Variants in CDK17 observed in about 807,000 individuals in gnomAD.
CDK17 encodes cyclin dependent kinase 17.
Under a neutral mutation model 77.6 loss-of-function variants are expected in CDK17, and 24 were observed. That is an observed-to-expected ratio of 0.31 (90% confidence interval 0.22 to 0.44). CDK17 has a LOEUF of 0.44. Among genes scored for constraint, CDK17 ranks in the 20% least tolerant of loss-of-function variants. The pLI is 1.00. For synonymous variants in CDK17, 203 were observed against 210.4 expected (o/e 0.96, Z 0.30); for missense variants, 429 against 622.5 (o/e 0.69, Z 3.31).
intron 1 of CDK17, among the ~76,000 whole-genome samples, chr12:96,346,480 T>C (rs995536247): frequency 6.9e-6 from 1 of 145,066 alleles, no homozygotes; most frequent in Non-Finnish European, 1.5e-5. Flanking sequence ...TAAATAAAAT[T>C]AGCCAGGCGT....
chr12:96,282,711 TATG>T (rs1952193005), intron 14 of CDK17, 112 bp from the exon 15 acceptor site: 3 of 651,100 alleles, frequency 4.6e-6, no homozygotes, highest in Admixed American at 2.7e-5. Context: ...GATTATTTAA[TATG>T]ATGACTATTT....
At chr12:96,383,207 A>T (rs974586560) in intron 1 of CDK17, among the ~76,000 whole-genome samples, 3 of 152,190 alleles carry the variant, frequency 2.0e-5, no homozygotes, top group Non-Finnish European at 4.4e-5. Context: ...CTAACCAAGA[A>T]GGTGAAAGAT....
intron 1 of CDK17, among the ~76,000 whole-genome samples, chr12:96,389,982 A>C (rs1283976888): frequency 1.3e-5 from 2 of 151,492 alleles, no homozygotes; most frequent in Non-Finnish European, 2.9e-5. Flanking sequence ...GGCATGCACC[A>C]CCACACCCAG....
At chr12:96,312,128 A>C (rs1952652565) in intron 4 of CDK17, among the ~76,000 whole-genome samples, 1 of 152,026 alleles carries the variant, frequency 6.6e-6, no homozygotes, top group Non-Finnish European at 1.5e-5. Context: ...AATACAAAAA[A>C]ATTAGCCGGG....
intron 1 of CDK17, among the ~76,000 whole-genome samples, chr12:96,363,783 G>A (rs760566855): frequency 6.6e-6 from 1 of 152,182 alleles, no homozygotes; most frequent in Non-Finnish European, 1.5e-5. Context: ...CTGGGAGGTG[G>A]AGGTTGCTGC....
chr12:96,369,716 T>G (rs973150686), intron 1 of CDK17, among the ~76,000 whole-genome samples: 1 of 152,076 alleles, frequency 6.6e-6, no homozygotes, highest in Non-Finnish European at 1.5e-5. Context: ...GAGGTGGAGG[T>G]TGCAGTGAGC....
chr12:96,313,893 G>T (rs1414031396), intron 3 of CDK17, among the ~76,000 whole-genome samples: 1 of 152,090 alleles, frequency 6.6e-6, no homozygotes, highest in East Asian at 1.9e-4. Context: ...ATGTGTCACT[G>T]GGTCTATGGT....
intron 9 of CDK17, among the ~76,000 whole-genome samples, chr12:96,296,061 TTAAAACTC>T (rs1208197978): frequency 2.0e-5 from 3 of 152,214 alleles, no homozygotes; most frequent in Non-Finnish European, 4.4e-5. Context: ...AATTATGTTT[TTAAAACTC>T]TAAAATTACT....
intron 1 of CDK17, among the ~76,000 whole-genome samples, chr12:96,394,671 T>C (rs186369527): frequency 2.2e-4 from 34 of 151,660 alleles, no homozygotes; most frequent in African/African-American, 7.7e-4. Flanking sequence ...AAAATTTAGT[T>C]GGACGTGGAA....
intron 15 of CDK17, among the ~76,000 whole-genome samples, chr12:96,281,143 GAAT>G (rs1480178100): frequency 9.2e-5 from 14 of 152,122 alleles, no homozygotes; most frequent in Non-Finnish European, 1.2e-4. Flanking sequence ...TCTCTGAGGA[GAAT>G]ATACACTGTC....
Position 96,313,364 on chromosome 12 carries a change from C to A in CDK17, c.374G>T (p.Gly125Val). 6.3e-7 allele frequency: 1 copy of A among 1,599,516 alleles called. No homozygotes were observed. The highest frequency in any genetic ancestry group is 1.1e-5 in the South Asian group (1 of 88,102). Reference sequence around the variant, plus strand: ...ATGTATACGATTTCTGAGACAAACACCTGTAGGTGACTGGACTTCATCAGA... The same window carrying A: ...ATGTATACGATTTCTGAGACAAACAACTGTAGGTGACTGGACTTCATCAGA... Reference protein sequence around the residue: ...TSSDEVQSPTGVCLRNRIHRR... With the variant: ...TSSDEVQSPTVVCLRNRIHRR... The change falls in exon 4 of 17, where the codon GGT becomes GTT. Residue 125 changes from glycine (G) to valine (V), a missense_variant. By Grantham distance (109) the Gly-to-Val change is moderately radical. Around this residue, in one of 4 missense-constraint regions of CDK17, gnomAD observed 262 missense variants for 385.4 expected, o/e 0.68. Transcript: ENST00000261211.
Position 96,383,350 on chromosome 12 carries a change from G to A in CDK17, c.-30+16636C>T, listed in dbSNP as rs747739695. ...ATCCATAGTGCCAAAAGCAATATACGGATTCAATGCTATTCCTATCAAACT... is the reference window on the plus strand; with the variant it reads ...ATCCATAGTGCCAAAAGCAATATACAGATTCAATGCTATTCCTATCAAACT... On this transcript the variant is annotated intron_variant, in intron 1 of 16. Transcript: ENST00000261211. Among the ~76,000 whole-genome samples the A allele has an allele frequency of 4.0e-5, 6 of 148,926 alleles. 1 individual carries two copies. The highest frequency in any genetic ancestry group is 4.3e-4 in the South Asian group (2 of 4,616).
At chr12:96,348,719 A>C (rs1446357406) in intron 1 of CDK17, among the ~76,000 whole-genome samples, 3 of 152,158 alleles carry the variant, frequency 2.0e-5, no homozygotes, top group Admixed American at 2.0e-4. Context: ...TGGATAGCTT[A>C]ATGAAATAGA....
chr12:96,386,969 T>G, intron 1 of CDK17: 2 of 269,576 alleles, frequency 7.4e-6, no homozygotes, highest in South Asian at 1.0e-4. Context: ...CCACAAGTAG[T>G]GTATCCAGAG....
Position 96,348,537 on chromosome 12 carries a change from A to AAC in CDK17, c.-29-13673_-29-13672insGT, listed in dbSNP as rs1555204416. Among the ~76,000 whole-genome samples the AAC allele has an allele frequency of 1.9e-4, 29 of 151,236 alleles. No homozygotes were observed. In the East Asian group the frequency reaches 5.1e-3, roughly 26 times the overall value. On this transcript the variant is annotated intron_variant, in intron 1 of 16. Transcript: ENST00000261211. ...AGACTCTGTCTCAAAAAAAAAAAAA[A>AAC]AAAAACAAAAAAGAAAAAAAAAATC... is the stretch of plus-strand genomic sequence containing the variant.
At chr12:96,397,826 A>G (rs1410697512) in intron 1 of CDK17, among the ~76,000 whole-genome samples, 2 of 152,290 alleles carry the variant, frequency 1.3e-5, no homozygotes, top group African/African-American at 4.8e-5. Flanking sequence ...TAATTATATG[A>G]CCTGTTAATT....
At chr12:96,304,778 G>A (rs1449164620) in intron 5 of CDK17, among the ~76,000 whole-genome samples, 2 of 152,062 alleles carry the variant, frequency 1.3e-5, no homozygotes, top group African/African-American at 4.8e-5. Flanking sequence ...ATATGCTAAA[G>A]GTAAATTCTG....
chr12:96,394,884 T>TG (rs1216294826), intron 1 of CDK17, among the ~76,000 whole-genome samples: 1 of 150,094 alleles, frequency 6.7e-6, no homozygotes, highest in Non-Finnish European at 1.5e-5. Flanking sequence ...AATCTATAAT[T>TG]TTTTTCCCCC....
intron 15 of CDK17, chr12:96,281,896 CCAAA>C (rs1565801139): frequency 3.9e-5 from 6 of 152,102 alleles, no homozygotes; most frequent in Admixed American, 2.6e-4. Context: ...AGCTTAGTTC[CCAAA>C]CATTCTTCTA....
Sources: gnomAD v4.1 joint callset for allele counts (sites outside exome capture counted in the v4.1 genomes callset) on GRCh38, gnomAD v4.1.1 for gene constraint, gnomAD v4.1.1 regional missense constraint, MANE v1.5 for transcripts, NCBI Gene and HGNC (gene_info 2026-07-23, HGNC 2026-07-21) for gene names.